The following KANSL3 variants were observed in gnomAD, a reference collection of about 807,000 sequenced individuals.
KANSL3 encodes KAT8 regulatory NSL complex subunit 3.
Under a neutral mutation model 89.2 loss-of-function variants are expected in KANSL3, and 16 were observed. The ratio of observed to expected loss-of-function variants is 0.18; its 90% CI spans 0.12 to 0.27. The LOEUF (loss-of-function observed/expected upper bound fraction) is 0.27, where lower values mean the gene tolerates loss of function less well. Ranked by LOEUF, KANSL3 falls within the 10% of genes least tolerant of loss-of-function variation. The probability of loss-of-function intolerance (pLI) is 1.00; values close to 1 mark genes in which losing one functional copy is unlikely to be tolerated. For missense variants in KANSL3, 879 were observed against 1,110.6 expected (o/e 0.79, Z 2.96); for synonymous variants, 385 against 419.7 (o/e 0.92, Z 1.01).
downstream of KANSL3, among the ~76,000 whole-genome samples, chr2:96,589,874 C>A (rs578057440): frequency 1.3e-5 from 2 of 152,020 alleles, no homozygotes; most frequent in African/African-American, 2.4e-5. Context: ...AGAGGCCAGG[C>A]GCAGTGGCTC....
At chr2:96,615,546 TA>T (rs2069908552) in intron 5 of KANSL3, 8 of 1,281,220 alleles carry the variant, frequency 6.2e-6, no homozygotes, top group Non-Finnish European at 8.1e-6. Flanking sequence ...CAAAATGACC[TA>T]GGGGAAAGGA....
chr2:96,607,758 C>T (rs1054796757), intron 14 of KANSL3, among the ~76,000 whole-genome samples: 3 of 152,220 alleles, frequency 2.0e-5, no homozygotes, highest in Non-Finnish European at 4.4e-5. Context: ...CTCCTATCCC[C>T]TCCACGTCTG....
Position 96,612,574 on chromosome 2 carries a change from G to A in KANSL3, c.913-11C>T. The A allele has an allele frequency of 6.2e-7, 1 of 1,602,528 alleles. No homozygotes were observed. Among genetic ancestry groups the A allele is most frequent in the Non-Finnish European group, 8.5e-7 (1 of 1,170,022 alleles). On this transcript the variant is annotated splice_polypyrimidine_tract_variant and intron_variant, in intron 7 of 20. Coordinates refer to ENST00000431828, the MANE Select transcript of KANSL3 (RefSeq NM_001115016.3). ...GGCTACAGGGATGACCTGAAGGAAA[G>A]AAGTAGCCCCCACACCAGCAGAGGT...
intron 5 of KANSL3, among the ~76,000 whole-genome samples, chr2:96,616,609 A>T (rs1469107853): frequency 1.3e-5 from 2 of 152,244 alleles, no homozygotes; most frequent in Non-Finnish European, 2.9e-5. Context: ...CCTTTGGGAA[A>T]CAACCAAAGT....
intron 12 of KANSL3, among the ~76,000 whole-genome samples, chr2:96,609,279 G>A (rs2068488044): frequency 1.3e-5 from 2 of 152,260 alleles, no homozygotes; most frequent in South Asian, 4.1e-4. Flanking sequence ...GGGAGCTCTG[G>A]GGTGGTCACA....
chr2:96,607,814 C>T lies in KANSL3; in HGVS notation c.1741+694G>A, dbSNP rs567308352. ...GGCTGCTGCCTCTTCCCAGGCACCC[C>T]TATTCCTGAAAAGCTCAGGTGACAT... On this transcript the variant is annotated intron_variant, in intron 14 of 20. Transcript: ENST00000431828. Among the ~76,000 whole-genome samples, 421 of 152,288 alleles carry T rather than the reference C, an allele frequency of 2.8e-3. 1 individual carries two copies. Among genetic ancestry groups the T allele is most frequent in the Admixed American group, 6.9e-3 (105 of 15,300 alleles).
intron 9 of KANSL3, 149 bp downstream of exon 9, chr2:96,612,133 A>G (rs1051063175): frequency 7.9e-6 from 5 of 632,060 alleles, no homozygotes; most frequent in Admixed American, 3.0e-5. Context: ...AAATTGTTTT[A>G]ATAAAATTTG....
intron 3 of KANSL3, among the ~76,000 whole-genome samples, chr2:96,627,567 A>G (rs2072589218): frequency 6.6e-6 from 1 of 152,192 alleles, no homozygotes; most frequent in Admixed American, 6.5e-5. Flanking sequence ...TTCAAGAGAG[A>G]GGAAAAAAGC....
chr2:96,625,164 C>G (rs1468806941), intron 3 of KANSL3, among the ~76,000 whole-genome samples: 1 of 152,094 alleles, frequency 6.6e-6, no homozygotes, highest in African/African-American at 2.4e-5. Flanking sequence ...TAGCTGGGAT[C>G]GCCCCACTGT....
intron 20 of KANSL3, chr2:96,600,680 A>T: frequency 1.0e-6 from 1 of 985,450 alleles, no homozygotes; most frequent in South Asian, 4.7e-5. Context: ...TTTTTGGCTT[A>T]ACTTCTAATC....
At chr2:96,589,031 T>A (rs2066257963), downstream of KANSL3, among the ~76,000 whole-genome samples, 1 of 152,148 alleles carries the variant, frequency 6.6e-6, no homozygotes, top group African/African-American at 2.4e-5. Context: ...AAGTTACATA[T>A]ATATAAAGTA....
Position 96,628,167 on chromosome 2 carries a change from C to T in KANSL3, c.386+3145G>A, listed in dbSNP as rs994558475. The T allele has an allele frequency of 2.0e-5, 26 of 1,286,740 alleles. 1 individual carries two copies. The highest frequency in any genetic ancestry group is 2.5e-5 in the South Asian group (2 of 80,740). 79.7% of individuals were successfully genotyped at this position (1,286,740 alleles called of 1,614,324 possible). On this transcript the variant is annotated intron_variant, in intron 3 of 20. Transcript: ENST00000431828. Reference sequence around the variant, plus strand: ...GGAGAAGGTGCACACTGGCCTATTCCGTGGACTCATCTTGCCTAGAGGAAA... The same window carrying T: ...GGAGAAGGTGCACACTGGCCTATTCTGTGGACTCATCTTGCCTAGAGGAAA...
At chr2:96,607,962 T>C (rs546823338) in intron 14 of KANSL3, among the ~76,000 whole-genome samples, 2 of 152,326 alleles carry the variant, frequency 1.3e-5, no homozygotes, top group African/African-American at 4.8e-5. Flanking sequence ...CAATGAACTC[T>C]CCCTTTTCTA....
At chr2:96,585,927 A>G in the KANSL3 span, among the ~76,000 whole-genome samples, 11 of 152,324 alleles carry the variant, frequency 7.2e-5, no homozygotes, top group South Asian at 1.9e-3. Flanking sequence ...ACACAAAGGC[A>G]TAAGAATGAT....
chr2:96,608,806 G>A (rs1054487689), intron 13 of KANSL3, 58 bp downstream of exon 13: 6 of 1,517,572 alleles, frequency 4.0e-6, no homozygotes, highest in Non-Finnish European at 5.3e-6. Flanking sequence ...GGAAATTAAG[G>A]AACCAACTCT....
At chr2:96,599,119 T>C (rs1423612766) in intron 20 of KANSL3, among the ~76,000 whole-genome samples, 1 of 152,072 alleles carries the variant, frequency 6.6e-6, no homozygotes, top group African/African-American at 2.4e-5. Flanking sequence ...GATAGACAAA[T>C]TCAAAACTAC....
In KANSL3 at chr2:96,612,464, C is replaced by T; in HGVS notation, c.1012G>A (p.Glu338Lys). Reference sequence around the variant, plus strand: ...TACTGAAATACGGGCATTCTCACCTCCAGCACTTTGCTTCTCACTGCCCCA... The same window carrying T: ...TACTGAAATACGGGCATTCTCACCTTCAGCACTTTGCTTCTCACTGCCCCA... ...MIGAVRSKVL[E>K]IHSHFPHKPI... Residue 338 changes from glutamate (E) to lysine (K), a missense_variant and splice_region_variant, in exon 8 of 21, where the codon GAG becomes AAG. Transcript: ENST00000431828. 1 of 1,613,472 alleles carries T rather than the reference C, an allele frequency of 6.2e-7. No homozygotes were observed. Among genetic ancestry groups the T allele is most frequent in the African/African-American group, 1.3e-5 (1 of 75,024 alleles).
intron 3 of KANSL3, among the ~76,000 whole-genome samples, chr2:96,620,929 G>A (rs937208460): frequency 1.3e-5 from 2 of 152,124 alleles, no homozygotes; most frequent in African/African-American, 4.8e-5. Context: ...TTGAGCCCAG[G>A]AGGTTGAGGC....
intron 3 of KANSL3, chr2:96,628,056 TAACAGAAGGGTGGTGGTCCACAA>T: frequency 7.7e-7 from 1 of 1,290,440 alleles, no homozygotes; most frequent in Non-Finnish European, 1.0e-6. Context: ...GGCAATGTCA[TAACAGAAGGGTGGTGGTCCACAA>T]GGAGACTGGA....
Sources: allele counts gnomAD v4.1 joint callset (sites outside exome capture counted in the v4.1 genomes callset), GRCh38; gene constraint gnomAD v4.1.1; transcripts MANE v1.5; gene names NCBI Gene and HGNC (gene_info 2026-07-23, HGNC 2026-07-21).